Variants in AGTPBP1 observed in about 807,000 individuals in gnomAD.
The protein encoded by AGTPBP1 is cytosolic carboxypeptidase 1.
In AGTPBP1, 70 loss-of-function variants were observed where a neutral mutation model predicts 143.9. That is an observed-to-expected ratio of 0.49 (90% CI 0.40 to 0.59). The LOEUF is 0.59. Ranked by LOEUF, AGTPBP1 falls within the 20% of genes least tolerant of loss-of-function variation. The pLI is 0.00. For synonymous variants in AGTPBP1, 463 were observed against 500.2 expected, an observed-to-expected ratio of 0.93 and a Z score of 0.99; for missense variants, 1,229 against 1,464.5, an observed-to-expected ratio of 0.84 and a Z score of 2.62.
At chr9:85,701,868 TTCA>T (rs1341245090) in intron 2 of AGTPBP1, among the ~76,000 whole-genome samples, 3 of 152,206 alleles carry the variant, frequency 2.0e-5, no homozygotes, top group African/African-American at 7.2e-5. Flanking sequence ...AGTGTCTGCT[TTCA>T]TTACCATAGT....
chr9:85,725,984 G>A (rs1023362323), intron 1 of AGTPBP1, among the ~76,000 whole-genome samples: 5 of 149,392 alleles, frequency 3.3e-5, no homozygotes, highest in Admixed American at 6.7e-5. Flanking sequence ...AGGAGGCAGA[G>A]GTTGCAGTTT....
chr9:85,553,681 C>T (rs1268221292), intron 25 of AGTPBP1, among the ~76,000 whole-genome samples: 3 of 152,202 alleles, frequency 2.0e-5, no homozygotes, highest in Admixed American at 2.0e-4. Flanking sequence ...ACATTCCTTA[C>T]ACATAATGAA....
the AGTPBP1 span, among the ~76,000 whole-genome samples, chr9:85,755,069 T>C: frequency 6.6e-6 from 1 of 152,220 alleles, no homozygotes; most frequent in Non-Finnish European, 1.5e-5. Context: ...CTGGACATGA[T>C]AGTGCTTATA....
intron 17 of AGTPBP1, among the ~76,000 whole-genome samples, chr9:85,605,534 A>G (rs977664014): frequency 2.6e-5 from 4 of 152,172 alleles, no homozygotes; most frequent in Admixed American, 6.5e-5. Flanking sequence ...TTAATGAACA[A>G]TAAGAAATCA....
At chr9:85,689,678 T>G (rs1253512085) in intron 3 of AGTPBP1, among the ~76,000 whole-genome samples, 1 of 151,824 alleles carries the variant, frequency 6.6e-6, no homozygotes, top group Non-Finnish European at 1.5e-5. Context: ...GCAGATCGCC[T>G]GAGGTCAAGA....
intron 3 of AGTPBP1, among the ~76,000 whole-genome samples, chr9:85,687,655 T>C (rs1466842658): frequency 6.6e-6 from 1 of 152,058 alleles, no homozygotes; most frequent in East Asian, 1.9e-4. Context: ...TTAGAACATA[T>C]TGTCAACTGA....
At chr9:85,616,889 A>T (rs951283377) in intron 17 of AGTPBP1, among the ~76,000 whole-genome samples, 2 of 152,184 alleles carry the variant, frequency 1.3e-5, no homozygotes, top group Admixed American at 6.5e-5. Flanking sequence ...TATTCACATA[A>T]ATCAATATAC....
Position 85,586,723 on chromosome 9 carries a change from T to C in AGTPBP1, c.3033+108A>G, listed in dbSNP as rs1480137943. 9 of 1,296,160 alleles carry C rather than the reference T, an allele frequency of 6.9e-6. No homozygotes were observed. In the Admixed American group the frequency reaches 1.4e-4, roughly 19 times the overall value. The allele number at this position is 1,296,160 out of a possible 1,614,324, so 80.3% of individuals were successfully genotyped here. On this transcript the variant is annotated intron_variant, in intron 22 of 25. Transcript: ENST00000357081. Reference sequence around the variant, plus strand: ...TTCAACCTTATAAAATTAAGACAACTAACATAATGCATTAATTTGACCTCA... The same window carrying C: ...TTCAACCTTATAAAATTAAGACAACCAACATAATGCATTAATTTGACCTCA...
chr9:85,722,674 T>C (rs1838208176), intron 1 of AGTPBP1, among the ~76,000 whole-genome samples: 1 of 152,236 alleles, frequency 6.6e-6, no homozygotes, highest in African/African-American at 2.4e-5. Context: ...CCTACTTCTG[T>C]CAACTCATCA....
intron 17 of AGTPBP1, among the ~76,000 whole-genome samples, chr9:85,602,084 A>G (rs1360613726): frequency 1.3e-5 from 2 of 152,226 alleles, no homozygotes; most frequent in Non-Finnish European, 2.9e-5. Context: ...CACAAGAAAC[A>G]CGAAAAAACA....
At chr9:85,666,652 G>A (rs534762529) in intron 8 of AGTPBP1, among the ~76,000 whole-genome samples, 1 of 152,066 alleles carries the variant, frequency 6.6e-6, no homozygotes, top group African/African-American at 2.4e-5. Flanking sequence ...ACCCCATGTG[G>A]TATATTATAA....
At chr9:85,555,316 T>C (rs1415425980) in intron 25 of AGTPBP1, among the ~76,000 whole-genome samples, 1 of 152,016 alleles carries the variant, frequency 6.6e-6, no homozygotes, top group Non-Finnish European at 1.5e-5. Context: ...AATAAGACAG[T>C]AGGCCGGGTG....
Position 85,669,516 on chromosome 9 carries a change from G to T in AGTPBP1, c.631C>A (p.Pro211Thr). ...VVELMFKIIG[P>T]FSKKNSSLIK... Reference sequence around the variant, plus strand: ...AGACTGGAATTCTTCTTACTAAATGGTCCAATGATTTTAAACATCAGTTCC... The same window carrying T: ...AGACTGGAATTCTTCTTACTAAATGTTCCAATGATTTTAAACATCAGTTCC... Residue 211 changes from proline to threonine, a missense_variant, in exon 8 of 26, where the codon CCA (proline) becomes ACA (threonine). Pro to Thr is a conservative substitution (Grantham distance 38). Around this residue, in one of 2 missense-constraint regions of AGTPBP1, gnomAD observed 743 missense variants for 812.2 expected, o/e 0.91. Transcript: ENST00000357081. The T allele has an allele frequency of 6.2e-7, 1 of 1,610,998 alleles. No homozygotes were observed. Among genetic ancestry groups the T allele is most frequent in the Non-Finnish European group, 8.5e-7 (1 of 1,177,844 alleles).
At chr9:85,733,314 C>A (rs1439449131) in intron 1 of AGTPBP1, among the ~76,000 whole-genome samples, 1 of 152,110 alleles carries the variant, frequency 6.6e-6, no homozygotes, top group Non-Finnish European at 1.5e-5. Context: ...AGTTAGAAAT[C>A]AATCTGAGAA....
At chr9:85,732,389 T>C (rs1838946594) in intron 1 of AGTPBP1, among the ~76,000 whole-genome samples, 1 of 151,990 alleles carries the variant, frequency 6.6e-6, no homozygotes, top group Non-Finnish European at 1.5e-5. Context: ...TAATTTTTTG[T>C]ATTTTTAGTA....
intron 17 of AGTPBP1, among the ~76,000 whole-genome samples, chr9:85,608,755 C>T (rs1830134710): frequency 6.6e-6 from 1 of 151,624 alleles, no homozygotes; most frequent in Non-Finnish European, 1.5e-5. Flanking sequence ...GAAAACAACA[C>T]CAAATTTCAC....
intron 13 of AGTPBP1, among the ~76,000 whole-genome samples, chr9:85,634,690 G>A (rs550516387): frequency 7.6e-4 from 115 of 152,236 alleles, no homozygotes; most frequent in Middle Eastern, 3.4e-3. Context: ...GGTGTATATT[G>A]AAGTCATTTC....
At chr9:85,781,583 T>C in the AGTPBP1 span, among the ~76,000 whole-genome samples, 1 of 152,246 alleles carries the variant, frequency 6.6e-6, no homozygotes, top group Non-Finnish European at 1.5e-5. Flanking sequence ...TTATTGATTG[T>C]CTGCCATGTG....
intron 6 of AGTPBP1, among the ~76,000 whole-genome samples, chr9:85,673,707 T>A (rs149869457): frequency 6.6e-6 from 1 of 152,106 alleles, no homozygotes; most frequent in Non-Finnish European, 1.5e-5. Flanking sequence ...TTAGCTACAA[T>A]GTTCACTATT....
Sources: gnomAD v4.1 joint callset for allele counts (sites outside exome capture counted in the v4.1 genomes callset) on GRCh38, gnomAD v4.1.1 for gene constraint, gnomAD v4.1.1 regional missense constraint, MANE v1.5 for transcripts, NCBI Gene and HGNC (gene_info 2026-07-23, HGNC 2026-07-21) for gene names.